SLIT2: variants seen among roughly 807,000 people sequenced by gnomAD.
SLIT2 encodes the protein slit homolog 2 protein.
Under a neutral mutation model 185.7 loss-of-function variants are expected in SLIT2, and 41 were observed. That is an observed-to-expected ratio of 0.22 (90% CI 0.17 to 0.29). The LOEUF is 0.29. Among genes scored for constraint, SLIT2 ranks in the 10% least tolerant of loss-of-function variants. SLIT2 has a pLI of 1.00. For missense variants in SLIT2, 1,571 were observed against 1,909.0 expected, an observed-to-expected ratio of 0.82 and a Z score of 3.30; for synonymous variants, 693 against 680.2, an observed-to-expected ratio of 1.02 and a Z score of -0.29.
Position 20,543,361 on chromosome 4 carries a change from G to A in SLIT2, c.2276+735G>A, listed in dbSNP as rs117848352. ...TGCCTCATGCTACAGTTGCAGAATG[G>A]AATTCATTAGAGAATATGCTGCCAG... On this transcript the variant is annotated intron_variant, in intron 21 of 36. Coordinates refer to ENST00000504154, the MANE Select transcript of SLIT2 (RefSeq NM_004787.4). Among the ~76,000 whole-genome samples, 347 of 152,212 alleles carry A rather than the reference G, an allele frequency of 2.3e-3. 4 individuals are homozygous for A. In the South Asian group the frequency reaches 0.051, roughly 22 times the overall value.
At chr4:20,512,315 G>A (rs538368400) in intron 11 of SLIT2, among the ~76,000 whole-genome samples, 10 of 152,254 alleles carry the variant, frequency 6.6e-5, no homozygotes, top group Non-Finnish European at 1.0e-4. Context: ...GAACTAGATC[G>A]GAGTGCTCAT....
chr4:20,337,877 A>G (rs528502436), intron 4 of SLIT2, among the ~76,000 whole-genome samples: 1 of 152,150 alleles, frequency 6.6e-6, no homozygotes, highest in African/African-American at 2.4e-5. Flanking sequence ...GTCCCAGTCA[A>G]TTTGTGTTTT....
chr4:20,525,077 C>G, intron 14 of SLIT2, 72 bp from the exon 15 acceptor site: 2 of 1,113,404 alleles, frequency 1.8e-6, no homozygotes, highest in Non-Finnish European at 2.7e-6. Context: ...CATTCTTAAT[C>G]TAATATAACT....
intron 30 of SLIT2, among the ~76,000 whole-genome samples, chr4:20,594,925 G>A (rs1727852249): frequency 6.6e-6 from 1 of 152,160 alleles, no homozygotes; most frequent in Admixed American, 6.5e-5. Context: ...ACTGTGGAGA[G>A]GATTCAGTGA....
At chr4:20,330,475 A>G (rs549362995) in intron 4 of SLIT2, among the ~76,000 whole-genome samples, 2 of 152,188 alleles carry the variant, frequency 1.3e-5, no homozygotes, top group East Asian at 3.9e-4. Context: ...AAAATTAGTT[A>G]TTTTTCATTT....
chr4:20,541,768 A>G (rs755377080), intron 20 of SLIT2, 149 bp downstream of exon 20: 1 of 660,700 alleles, frequency 1.5e-6, no homozygotes, highest in African/African-American at 1.8e-5. Flanking sequence ...TAGTGCCAGG[A>G]CACTTACTTT....
At chr4:20,518,827 C>T (rs111892072) in intron 11 of SLIT2, among the ~76,000 whole-genome samples, 4,502 of 148,124 alleles carry the variant, frequency 0.03, 108 homozygotes, top group African/African-American at 0.074. Context: ...AGGATGGTCT[C>T]GATCTCCTGA....
chr4:20,514,549 G>A (rs552678754), intron 11 of SLIT2, among the ~76,000 whole-genome samples: 2 of 152,248 alleles, frequency 1.3e-5, no homozygotes, highest in African/African-American at 4.8e-5. Context: ...GAGAGTTGAG[G>A]CACGAGAATC....
intron 4 of SLIT2, among the ~76,000 whole-genome samples, chr4:20,425,017 C>T (rs549996987): frequency 5.9e-5 from 9 of 152,100 alleles, no homozygotes; most frequent in Middle Eastern, 3.4e-3. Context: ...AAACCCTTGT[C>T]TTTTTCCCAA....
intron 4 of SLIT2, among the ~76,000 whole-genome samples, chr4:20,377,389 A>G (rs1724111957): frequency 6.6e-6 from 1 of 152,164 alleles, no homozygotes; most frequent in Non-Finnish European, 1.5e-5. Context: ...GACTTGCTTG[A>G]AATGATGGAA....
In SLIT2 at chr4:20,294,671, T is replaced by A. The variant is rs370058227; in HGVS notation, c.395+25790T>A. On this transcript the variant is annotated intron_variant, in intron 4 of 36. Coordinates refer to ENST00000504154, the MANE Select transcript of SLIT2 (RefSeq NM_004787.4). ...TATATATGGCCTTTTAATTTACACA[T>A]GTAAAATTAATTTGTAAAAGCAGCT... Among the ~76,000 whole-genome samples, 226 of 152,320 alleles carry A rather than the reference T, an allele frequency of 1.5e-3. 7 individuals carry two copies. In the South Asian group the frequency reaches 0.045, roughly 30 times the overall value.
At chr4:20,446,850 C>T (rs1465027698) in intron 4 of SLIT2, among the ~76,000 whole-genome samples, 1 of 152,126 alleles carries the variant, frequency 6.6e-6, no homozygotes, top group Non-Finnish European at 1.5e-5. Flanking sequence ...CCATGTACCC[C>T]AACTTCTCTG....
chr4:20,264,695 A>C (rs1359589024), intron 3 of SLIT2, among the ~76,000 whole-genome samples: 2 of 151,902 alleles, frequency 1.3e-5, no homozygotes, highest in African/African-American at 2.4e-5. Context: ...TGTTTTGTGC[A>C]ATGCAGAAAG....
chr4:20,450,717 A>G (rs1191658455), intron 4 of SLIT2, among the ~76,000 whole-genome samples: 1 of 152,222 alleles, frequency 6.6e-6, no homozygotes, highest in Non-Finnish European at 1.5e-5. Flanking sequence ...GTGAGTCAAA[A>G]TGCTATGAAG....
intron 4 of SLIT2, among the ~76,000 whole-genome samples, chr4:20,356,556 C>T (rs572394811): frequency 1.3e-5 from 2 of 152,184 alleles, no homozygotes; most frequent in Non-Finnish European, 2.9e-5. Context: ...GTGTCCAATG[C>T]ATTTAAAGCC....
chr4:20,464,481 C>T (rs950503628), intron 4 of SLIT2, among the ~76,000 whole-genome samples: 4 of 152,166 alleles, frequency 2.6e-5, no homozygotes, highest in African/African-American at 9.7e-5. Flanking sequence ...ACTCTATTAC[C>T]TGGTGATATA....
At chr4:20,329,013 G>A (rs1719839045) in intron 4 of SLIT2, among the ~76,000 whole-genome samples, 1 of 152,034 alleles carries the variant, frequency 6.6e-6, no homozygotes, top group South Asian at 2.1e-4. Context: ...AGTTATGGAA[G>A]CTGGAGAATA....
At chr4:20,381,790 T>C (rs1055468101) in intron 4 of SLIT2, among the ~76,000 whole-genome samples, 3 of 152,054 alleles carry the variant, frequency 2.0e-5, no homozygotes, top group Admixed American at 1.3e-4. Context: ...CAGATTTTTT[T>C]AGAAAATAGA....
At chr4:20,355,215 CTGAA>C (rs1722224694) in intron 4 of SLIT2, among the ~76,000 whole-genome samples, 1 of 152,090 alleles carries the variant, frequency 6.6e-6, no homozygotes, top group African/African-American at 2.4e-5. Context: ...TTTCTTCTGG[CTGAA>C]TGAATATTAA....
Sources: gnomAD v4.1 joint callset for allele counts (sites outside exome capture counted in the v4.1 genomes callset) on GRCh38, gnomAD v4.1.1 for gene constraint, MANE v1.5 for transcripts, NCBI Gene and HGNC (gene_info 2026-07-23, HGNC 2026-07-21) for gene names.